The following POLR3B variants were observed in gnomAD, a reference collection of about 807,000 sequenced individuals.
POLR3B encodes the protein RNA polymerase III subunit B.
A neutral mutation model predicts 147.4 loss-of-function variants in POLR3B; 96 were observed. The observed-to-expected ratio is 0.65, with a 90% CI of 0.55 to 0.77. The LOEUF is 0.77. Among genes scored for constraint, POLR3B ranks in the 30% least tolerant of loss-of-function variants. POLR3B has a pLI of 0.00. For missense variants in POLR3B, 1,036 were observed against 1,413.5 expected, an observed-to-expected ratio of 0.73 and a Z score of 4.28; for synonymous variants, 461 against 485.9, an observed-to-expected ratio of 0.95 and a Z score of 0.67.
At chr12:106,464,542 A>T (rs2037981011) in intron 23 of POLR3B, among the ~76,000 whole-genome samples, 1 of 152,224 alleles carries the variant, frequency 6.6e-6, no homozygotes, top group Admixed American at 6.5e-5. Context: ...CCAGAGACCT[A>T]GCTCTTAATT....
intron 10 of POLR3B, among the ~76,000 whole-genome samples, chr12:106,394,804 G>C (rs2036959122): frequency 6.6e-6 from 1 of 152,168 alleles, no homozygotes; most frequent in Non-Finnish European, 1.5e-5. Context: ...TCCTCGAAAG[G>C]GAAGTATAAC....
chr12:106,404,742 TAGG>T (rs1389466626), intron 10 of POLR3B, among the ~76,000 whole-genome samples: 1 of 152,150 alleles, frequency 6.6e-6, no homozygotes, highest in African/African-American at 2.4e-5. Flanking sequence ...TGAAAAAACT[TAGG>T]AGGATTTTTT....
intron 18 of POLR3B, 74 bp downstream of exon 18, chr12:106,437,853 C>A: frequency 1.2e-6 from 1 of 804,948 alleles, no homozygotes; most frequent in South Asian, 1.4e-5. Flanking sequence ...TTACTGTCAT[C>A]TTCAGTCCTT....
intron 4 of POLR3B, among the ~76,000 whole-genome samples, chr12:106,368,893 C>T (rs1473860214): frequency 1.4e-4 from 2 of 14,794 alleles, no homozygotes; most frequent in African/African-American, 3.9e-4. Context: ...CACAAATGAG[C>T]GTTTTTTTTT....
At chr12:106,467,643 T>C (rs2038024557) in intron 23 of POLR3B, among the ~76,000 whole-genome samples, 1 of 152,192 alleles carries the variant, frequency 6.6e-6, no homozygotes. Context: ...ACCTGGTTTA[T>C]TGAGAGTTTT....
At chr12:106,497,967 G>T (rs994970949) in intron 25 of POLR3B, among the ~76,000 whole-genome samples, 6 of 152,162 alleles carry the variant, frequency 3.9e-5, no homozygotes, top group Non-Finnish European at 8.8e-5. Context: ...TGAAAGCAGG[G>T]CTGGTCTGTT....
In POLR3B at chr12:106,430,410, T is replaced by A. The variant is rs74390456; in HGVS notation, c.1401T>A (p.Gly467=). 2.6e-3 allele frequency: 4,233 copies of A among 1,613,684 alleles called. 7 individuals are homozygous for A. Among genetic ancestry groups the A allele is most frequent in the Non-Finnish European group, 3.3e-3 (3,880 of 1,179,880 alleles). Residue 467 remains glycine (G), a synonymous_variant, in exon 14 of 28, where the codon GGT becomes GGA. Transcript: ENST00000228347. Reference sequence around the variant, plus strand: ...TTGAAAAAACGAGAAAAGTGAGTGGTCCTCGCTCCCTCCAGCCATCTCAGT... The same window carrying A: ...TTGAAAAAACGAGAAAAGTGAGTGGACCTCGCTCCCTCCAGCCATCTCAGT... ...SQFEKTRKVS[G]PRSLQPSQWG... is the part of the protein sequence containing the mutation.
intron 27 of POLR3B, among the ~76,000 whole-genome samples, chr12:106,506,643 G>A (rs1217100162): frequency 6.6e-6 from 1 of 152,176 alleles, no homozygotes; most frequent in Non-Finnish European, 1.5e-5. Flanking sequence ...TATTCCGTGT[G>A]TATTGTATTT....
At chr12:106,437,301 A>G (rs935258488) in intron 17 of POLR3B, among the ~76,000 whole-genome samples, 170 bp downstream of exon 17, 10 of 152,214 alleles carry the variant, frequency 6.6e-5, no homozygotes, top group Non-Finnish European at 1.3e-4. Context: ...ATATTCATCA[A>G]TTTAGATCAT....
chr12:106,503,140 T>C (rs2038628573), intron 26 of POLR3B, among the ~76,000 whole-genome samples: 1 of 152,242 alleles, frequency 6.6e-6, no homozygotes, highest in South Asian at 2.1e-4. Flanking sequence ...TGCTCAGTTA[T>C]GAAGTTTCCA....
intron 19 of POLR3B, among the ~76,000 whole-genome samples, chr12:106,448,913 C>G (rs2037761282): frequency 6.6e-6 from 1 of 152,080 alleles, no homozygotes; most frequent in African/African-American, 2.4e-5. Flanking sequence ...AAACTAACTT[C>G]TTTTCTCATT....
At chr12:106,371,316 T>C (rs2036603320) in intron 6 of POLR3B, among the ~76,000 whole-genome samples, 1 of 152,062 alleles carries the variant, frequency 6.6e-6, no homozygotes, top group African/African-American at 2.4e-5. Context: ...TGTGGAGAAA[T>C]AGGAACACAT....
intron 12 of POLR3B, among the ~76,000 whole-genome samples, chr12:106,419,409 G>C (rs560056453): frequency 2.1e-4 from 32 of 152,268 alleles, no homozygotes; most frequent in South Asian, 1.9e-3. Flanking sequence ...TTCCTTCTTT[G>C]GCACTAGCTA....
intron 23 of POLR3B, among the ~76,000 whole-genome samples, chr12:106,466,910 G>A (rs2038013805): frequency 6.6e-6 from 1 of 152,146 alleles, no homozygotes; most frequent in African/African-American, 2.4e-5. Flanking sequence ...TGTTCTTCTT[G>A]CCCAGGATTG....
chr12:106,434,584 C>T (rs928835660), intron 16 of POLR3B, among the ~76,000 whole-genome samples: 12 of 151,280 alleles, frequency 7.9e-5, no homozygotes, highest in Admixed American at 2.6e-4. Context: ...GGTACAGAGA[C>T]GAATGTGACA....
intron 15 of POLR3B, among the ~76,000 whole-genome samples, chr12:106,432,895 G>C (rs1017800221): frequency 1.3e-5 from 2 of 152,168 alleles, no homozygotes; most frequent in African/African-American, 2.4e-5. Flanking sequence ...GTGATAAGAG[G>C]ATCCCTCTCC....
At chr12:106,423,471 G>A (rs1036318990) in intron 12 of POLR3B, among the ~76,000 whole-genome samples, 2 of 152,170 alleles carry the variant, frequency 1.3e-5, no homozygotes, top group Non-Finnish European at 2.9e-5. Flanking sequence ...AACCAGAGAA[G>A]CTAGCGGTAT....
chr12:106,372,161 A>G (rs1197467333), intron 6 of POLR3B, among the ~76,000 whole-genome samples: 2 of 152,116 alleles, frequency 1.3e-5, no homozygotes, highest in Non-Finnish European at 2.9e-5. Context: ...AATCCAAATT[A>G]TATTTGTACT....
At position 106,405,854 on chromosome 12, in the gene POLR3B, T is replaced by C; in HGVS notation, c.847-3T>C. The C allele has an allele frequency of 6.2e-7, 1 of 1,612,888 alleles. No homozygotes were observed. ...AAACATTATTGTAATCTGTTTTTTA[T>C]AGGCATTAAAATATATAGGGAACAA... On this transcript the variant is annotated splice_region_variant and splice_polypyrimidine_tract_variant and intron_variant, in intron 10 of 27. Transcript: ENST00000228347.
Sources: allele counts gnomAD v4.1 joint callset (sites outside exome capture counted in the v4.1 genomes callset), GRCh38; gene constraint gnomAD v4.1.1; transcripts MANE v1.5; gene names NCBI Gene and HGNC (gene_info 2026-07-23, HGNC 2026-07-21).